TUBD1: variants seen among roughly 807,000 people sequenced by gnomAD.
The protein encoded by TUBD1 is tubulin delta 1.
A neutral mutation model predicts 51.2 loss-of-function variants in TUBD1; 38 were observed. The observed-to-expected ratio is 0.74, with a 90% confidence interval of 0.57 to 0.97. TUBD1 has a LOEUF of 0.97. TUBD1 is among the 50% of genes least tolerant of loss of function. TUBD1 has a pLI of 0.00. For synonymous variants in TUBD1, 169 were observed against 178.2 expected (o/e 0.95, Z 0.41); for missense variants, 489 against 538.4 (o/e 0.91, Z 0.91).
chr17:59,887,142 AGCCATT>A (rs1229702923), intron 2 of TUBD1, among the ~76,000 whole-genome samples: 3 of 151,812 alleles, frequency 2.0e-5, no homozygotes, highest in Admixed American at 1.3e-4. Context: ...GCCAAGATTG[AGCCATT>A]GCACTCCAGC....
At chr17:59,887,909 G>T (rs2040804721) in intron 2 of TUBD1, among the ~76,000 whole-genome samples, 1 of 151,544 alleles carries the variant, frequency 6.6e-6, no homozygotes, top group African/African-American at 2.4e-5. Flanking sequence ...TGGAATTACA[G>T]TGAGACACTG....
In TUBD1 at chr17:59,860,500, C is replaced by T. The variant is rs2039390585; in HGVS notation, c.1260-76G>A. ...AAATGAGTAACTCTTAAACAATAAA[C>T]AGACCTTTTCTAGCTGATGAACATT... is the stretch of plus-strand genomic sequence containing the variant. On this transcript the variant is annotated intron_variant, in intron 8 of 8. Coordinates refer to ENST00000325752, the MANE Select transcript of TUBD1 (RefSeq NM_016261.4). 2.3e-5 allele frequency: 20 copies of T among 867,902 alleles called. No homozygotes were observed. In the East Asian group the frequency reaches 4.6e-4, roughly 20 times the overall value. 53.8% of individuals were successfully genotyped at this position (867,902 alleles called of 1,614,324 possible). A position where few individuals can be genotyped will look rare whatever the true frequency, so the allele number is the denominator to read the frequency against.
chr17:59,869,604 A>G (rs1266790957), intron 6 of TUBD1, among the ~76,000 whole-genome samples: 1 of 152,182 alleles, frequency 6.6e-6, no homozygotes, highest in African/African-American at 2.4e-5. Flanking sequence ...ACTCTAAGGA[A>G]CATTGTGTTC....
chr17:59,862,712 G>GTTTT (rs2039511353), intron 8 of TUBD1, among the ~76,000 whole-genome samples: 3 of 50,968 alleles, frequency 5.9e-5, no homozygotes, highest in African/African-American at 1.8e-4. Context: ...GCTAATTTTT[G>GTTTT]TATTTTTTTT....
intron 5 of TUBD1, among the ~76,000 whole-genome samples, chr17:59,875,523 C>T (rs2040186559): frequency 6.6e-6 from 1 of 151,548 alleles, no homozygotes; most frequent in Non-Finnish European, 1.5e-5. Context: ...CCTAGGTGGG[C>T]AGATCATGAG....
chr17:59,891,124 C>T, intron 1 of TUBD1, 83 bp from the exon 2 acceptor site: 1 of 750,928 alleles, frequency 1.3e-6, no homozygotes, highest in African/African-American at 1.8e-5. Flanking sequence ...AATTATACAT[C>T]AATAAAAAGT....
In TUBD1 at chr17:59,882,815, C is replaced by T. The variant is rs182479352; in HGVS notation, c.321-1705G>A. 8.9e-4 allele frequency among the ~76,000 whole-genome samples: 135 copies of T among 151,776 alleles called. 1 individual carries two copies. Among genetic ancestry groups the T allele is most frequent in the Non-Finnish European group, 1.5e-3 (99 of 67,938 alleles). On this transcript the variant is annotated intron_variant, in intron 3 of 8. Coordinates refer to ENST00000325752, the MANE Select transcript of TUBD1 (RefSeq NM_016261.4). ...TTTTTTTTTTTTTGAGATGCAGACA[C>T]GCCCTGTTGTCCAGGCTGGAGTGCT...
intron 6 of TUBD1, among the ~76,000 whole-genome samples, chr17:59,869,293 G>A (rs1434998148): frequency 2.6e-5 from 4 of 151,456 alleles, no homozygotes; most frequent in South Asian, 4.2e-4. Context: ...GGCCAATATG[G>A]TGAAACCCCG....
At chr17:59,864,398 A>G (rs1425417879) in intron 7 of TUBD1, among the ~76,000 whole-genome samples, 1 of 151,940 alleles carries the variant, frequency 6.6e-6, no homozygotes, top group Non-Finnish European at 1.5e-5. Context: ...CACCTGCCTC[A>G]GCCTCCCAAA....
At chr17:59,866,458 C>T (rs2039704116) in intron 7 of TUBD1, 151 bp downstream of exon 7, 8 of 844,322 alleles carry the variant, frequency 9.5e-6, no homozygotes, top group East Asian at 5.3e-5. Context: ...TAGTCACATA[C>T]TAACTGATGC....
Position 59,863,660 on chromosome 17 carries a change from T to C in TUBD1, c.1259+4A>G, listed in dbSNP as rs778358991. On this transcript the variant is annotated splice_donor_region_variant and intron_variant, in intron 8 of 8. Coordinates refer to ENST00000325752, the MANE Select transcript of TUBD1 (RefSeq NM_016261.4). ...AAAGGTTTGTAGACTTATTTTATAC[T>C]TACTTTGAAGCAAACATATTCCATG... 17 of 1,539,730 alleles carry C rather than the reference T, an allele frequency of 1.1e-5. No homozygotes were observed. Among genetic ancestry groups the C allele is most frequent in the African/African-American group, 1.4e-5 (1 of 70,690 alleles).
chr17:59,883,803 T>C lies in TUBD1; in HGVS notation c.320+2280A>G, dbSNP rs558203148. 1.0e-3 allele frequency among the ~76,000 whole-genome samples: 157 copies of C among 152,320 alleles called. 2 individuals carry two copies. Among genetic ancestry groups the C allele is most frequent in the Middle Eastern group, 6.8e-3 (2 of 294 alleles). On this transcript the variant is annotated intron_variant, in intron 3 of 8. Coordinates refer to ENST00000325752, the MANE Select transcript of TUBD1 (RefSeq NM_016261.4). ...CCTGGGCTCAAGCGATCCTCCTGCC[T>C]TGGCCTCCCAAATTGCTGGGATTAC...
chr17:59,866,488 T>TA (rs2039704803), intron 7 of TUBD1, 121 bp downstream of exon 7: 1 of 1,336,244 alleles, frequency 7.5e-7, no homozygotes, highest in Admixed American at 2.5e-5. Context: ...ATTTTGCCAC[T>TA]AAAACACACA....
chr17:59,880,807 C>A (rs1314544870), intron 4 of TUBD1, 87 bp downstream of exon 4: 2 of 1,318,542 alleles, frequency 1.5e-6, no homozygotes, highest in East Asian at 4.6e-5. Context: ...AGCCACCGCA[C>A]CTGGGTGGTG....
At position 59,878,325 on chromosome 17, in the gene TUBD1, G is replaced by T; in HGVS notation, c.547C>A (p.Gln183Lys). The T allele has an allele frequency of 6.2e-7, 1 of 1,612,032 alleles. No individual in the cohort carries two copies. Among genetic ancestry groups the T allele is most frequent in the South Asian group, 1.1e-5 (1 of 91,004 alleles). The change falls in exon 5 of 9, where the codon CAA becomes AAA. Residue 183 changes from glutamine (Q) to lysine (K), a missense_variant. By Grantham distance (53) the Gln-to-Lys change is moderately conservative (BLOSUM62 1). Coordinates refer to ENST00000325752, the MANE Select transcript of TUBD1 (RefSeq NM_016261.4). The part of the protein sequence containing the change: ...WPYGTGEVIV[Q>K]NYNSILTLSH... ...AGTGTCAAAATGGAGTTGTAGTTTT[G>T]AACAATAACCTGGAGAGGAAAAGGT...
At chr17:59,871,144 A>G (rs2039963486) in intron 6 of TUBD1, among the ~76,000 whole-genome samples, 1 of 152,238 alleles carries the variant, frequency 6.6e-6, no homozygotes, top group Admixed American at 6.5e-5. Flanking sequence ...CCCAACCTAG[A>G]ATCCTATCCC....
chr17:59,860,428 G>GTT lies in TUBD1; in HGVS notation c.1260-5_1260-4insAA. On this transcript the variant is annotated splice_region_variant and splice_polypyrimidine_tract_variant and intron_variant, in intron 8 of 8. Transcript: ENST00000325752. ...TGTGTACTGATGAATGTAGGCTCTG[G>GTT]TAGAAAAAAAAAAAAAACAGAAATT... The GTT allele has an allele frequency of 7.6e-7, 1 of 1,315,472 alleles. No homozygotes were observed. Among genetic ancestry groups the GTT allele is most frequent in the Non-Finnish European group, 1.1e-6 (1 of 946,072 alleles). 81.5% of individuals were successfully genotyped at this position (1,315,472 alleles called of 1,614,324 possible). A position where few individuals can be genotyped will look rare whatever the true frequency, so the allele number is the denominator to read the frequency against.
At chr17:59,891,731 G>C (rs1374509038) in intron 1 of TUBD1, 1 of 152,314 alleles carries the variant, frequency 6.6e-6, no homozygotes, top group Non-Finnish European at 1.5e-5. Context: ...CATTTTGGGA[G>C]GCTGAGTTGG....
chr17:59,859,804 A>G lies in TUBD1; in HGVS notation c.*518T>C, dbSNP rs1415143277. On this transcript the variant is annotated 3_prime_UTR_variant, in exon 9 of 9. Coordinates refer to ENST00000325752, the MANE Select transcript of TUBD1 (RefSeq NM_016261.4). ...ATTCTCTTTTCTTGGCTAGTTCCAG[A>G]GTCCCAACATTTCAGCAAAGTGTTT... 1 of 152,256 alleles carries G rather than the reference A, an allele frequency of 6.6e-6. No homozygotes were observed. Among genetic ancestry groups the G allele is most frequent in the Non-Finnish European group, 1.5e-5 (1 of 68,056 alleles). The allele number at this position is 152,256 out of a possible 1,614,324, so 9.4% of individuals were successfully genotyped here.
Sources: allele counts gnomAD v4.1 joint callset (sites outside exome capture counted in the v4.1 genomes callset), GRCh38; gene constraint gnomAD v4.1.1; transcripts MANE v1.5; gene names NCBI Gene and HGNC (gene_info 2026-07-23, HGNC 2026-07-21).